Variants in TMPO observed in about 807,000 individuals in gnomAD.
TMPO encodes the protein LEM domain containing 4.
TMPO carries 22 observed loss-of-function variants against 45.4 expected under a neutral mutation model. The ratio of observed to expected loss-of-function variants is 0.48; its 90% CI spans 0.35 to 0.69. The LOEUF is 0.69. TMPO is among the 30% of genes least tolerant of loss of function. The pLI is 0.01. For missense variants in TMPO, 512 were observed against 548.8 expected, an observed-to-expected ratio of 0.93 and a Z score of 0.67; for synonymous variants, 241 against 204.1, an observed-to-expected ratio of 1.18 and a Z score of -1.54.
intron 1 of TMPO, among the ~76,000 whole-genome samples, chr12:98,518,445 C>G (rs949911635): frequency 1.3e-5 from 2 of 150,160 alleles, no homozygotes; most frequent in Non-Finnish European, 3.0e-5. Flanking sequence ...GGGCATGCAC[C>G]GCTACACCCG....
At chr12:98,540,104 TTCCC>T (rs1877823898) in intron 4 of TMPO, among the ~76,000 whole-genome samples, 1 of 152,234 alleles carries the variant, frequency 6.6e-6, no homozygotes, top group Non-Finnish European at 1.5e-5. Context: ...ACTTTTTCTC[TTCCC>T]TCCATTTATT....
chr12:98,521,048 G>A (rs1344074479), intron 1 of TMPO, among the ~76,000 whole-genome samples: 3 of 148,098 alleles, frequency 2.0e-5, no homozygotes, highest in Non-Finnish European at 4.5e-5. Flanking sequence ...ATTTGGCCAA[G>A]ATTAACTATT....
At chr12:98,526,520 TGTC>T (rs1876774035) in intron 1 of TMPO, among the ~76,000 whole-genome samples, 2 of 152,214 alleles carry the variant, frequency 1.3e-5, no homozygotes, top group African/African-American at 4.8e-5. Context: ...GTGTTTTTAT[TGTC>T]GTATTGTCTT....
In TMPO at chr12:98,533,652, C is replaced by G; in HGVS notation, c.565+1814C>G. On this transcript the variant is annotated intron_variant, in intron 3 of 8. Transcript: ENST00000556029. ...TGTCTTCTTTTGCCAAAACTGTTGT[C>G]TCTCATTCACTCACTACCTTAGGTC... 2 of 1,614,118 alleles carry G rather than the reference C, an allele frequency of 1.2e-6. No individual in the cohort carries two copies. The highest frequency in any genetic ancestry group is 1.3e-5 in the African/African-American group (1 of 75,038).
chr12:98,517,955 G>T (rs988583928), intron 1 of TMPO, among the ~76,000 whole-genome samples: 1 of 152,154 alleles, frequency 6.6e-6, no homozygotes, highest in Non-Finnish European at 1.5e-5. Context: ...CTGAGGTCAG[G>T]AGTTCTAGAC....
chr12:98,535,539 G>GTA, intron 3 of TMPO: 1 of 985,282 alleles, frequency 1.0e-6, no homozygotes, highest in Non-Finnish European at 1.2e-6. Context: ...AAATGTACAT[G>GTA]TATACATGTA....
At chr12:98,527,618 A>G (rs1434707917) in intron 1 of TMPO, 2 of 305,914 alleles carry the variant, frequency 6.5e-6, no homozygotes, top group Non-Finnish European at 6.0e-6. Flanking sequence ...TGCCATTACT[A>G]TCTCTTTTAG....
In TMPO at chr12:98,547,619, G is replaced by A. The variant is rs1592958671; in HGVS notation, c.1126G>A (p.Glu376Lys). The change falls in exon 9 of 9, where the codon GAA (glutamate) becomes AAA (lysine). Residue 376 changes from glutamate to lysine, a missense_variant. By Grantham distance (56) the Glu-to-Lys change is moderately conservative. Coordinates refer to ENST00000556029, the MANE Select transcript of TMPO (RefSeq NM_001032283.3). Reference protein sequence around the residue: ...PIKGAAGRPLELSDFRMEESF... With the variant: ...PIKGAAGRPLKLSDFRMEESF... ...CAAAGGGGCTGCAGGCCGGCCATTA[G>A]AACTCAGTGATTTCAGGATGGAGGA... 6.2e-7 allele frequency: 1 copy of A among 1,614,190 alleles called. No homozygotes were observed. The highest frequency in any genetic ancestry group is 1.1e-5 in the South Asian group (1 of 91,086).
chr12:98,516,682 G>A (rs1875858770), intron 1 of TMPO, among the ~76,000 whole-genome samples: 1 of 152,132 alleles, frequency 6.6e-6, no homozygotes, highest in Non-Finnish European at 1.5e-5. Context: ...TTTTTGAACC[G>A]TTTATGTTTT....
intron 3 of TMPO, among the ~76,000 whole-genome samples, chr12:98,537,031 C>T (rs11109521): frequency 6.6e-6 from 1 of 152,004 alleles, no homozygotes; most frequent in Non-Finnish European, 1.5e-5. Context: ...ACTTTCCCTT[C>T]TATGTTCCAA....
At chr12:98,527,402 A>T (rs1876855281) in intron 1 of TMPO, 1 of 151,920 alleles carries the variant, frequency 6.6e-6, no homozygotes, top group African/African-American at 2.4e-5. Flanking sequence ...GCGCACCTGT[A>T]GTCCCAGCTA....
chr12:98,539,714 TCCAC>T (rs1877800506), intron 4 of TMPO, among the ~76,000 whole-genome samples: 1 of 152,190 alleles, frequency 6.6e-6, no homozygotes, highest in Admixed American at 6.5e-5. Flanking sequence ...CCTCAGGTGA[TCCAC>T]CCGCCTTGGC....
At chr12:98,519,804 ATTTTAAG>A (rs1876190916) in intron 1 of TMPO, among the ~76,000 whole-genome samples, 1 of 152,124 alleles carries the variant, frequency 6.6e-6, no homozygotes, top group Non-Finnish European at 1.5e-5. Flanking sequence ...GGAAAAAATA[ATTTTAAG>A]TTTACAGGAA....
In TMPO at chr12:98,515,700, T is replaced by G; in HGVS notation, c.-168T>G. The G allele has an allele frequency of 2.8e-6, 4 of 1,433,854 alleles. No homozygotes were observed. The South Asian group carries it at 5.5e-5, about 20-fold the overall frequency. 88.8% of individuals were successfully genotyped at this position (1,433,854 alleles called of 1,614,324 possible). A position where few individuals can be genotyped will look rare whatever the true frequency, so the allele number is the denominator to read the frequency against. ...GGCTCTGGGGTCTTTTGTGTCCGGG[T>G]CTGGCTTGGCTTTGTGTCCGCGAGT... On this transcript the variant is annotated 5_prime_UTR_variant, in exon 1 of 9. Transcript: ENST00000556029.
At chr12:98,544,635 C>A (rs558131480) in intron 6 of TMPO, 98 bp downstream of exon 6, 16 of 907,750 alleles carry the variant, frequency 1.8e-5, no homozygotes, top group Middle Eastern at 3.3e-4. Context: ...CTCAAATTTA[C>A]ATGTTTTTTT....
intron 1 of TMPO, among the ~76,000 whole-genome samples, chr12:98,527,335 CA>C (rs374742173): frequency 8.3e-4 from 78 of 93,562 alleles, no homozygotes; most frequent in East Asian, 5.6e-3. Context: ...CCCATCTCTA[CA>C]AAAAAAAAAA....
At chr12:98,534,678 A>G in intron 3 of TMPO, 1 of 1,121,952 alleles carries the variant, frequency 8.9e-7, no homozygotes. Flanking sequence ...TTTACTGTTC[A>G]ATAGAATAAT....
rs1878416572 is a variant in TMPO at position 98,549,527 on chromosome 12, A to G, written c.*1669A>G. The G allele has an allele frequency of 6.8e-6, 1 of 147,750 alleles. No homozygotes were observed. The highest frequency in any genetic ancestry group is 1.5e-5 in the Non-Finnish European group (1 of 66,628). 9.2% of individuals were successfully genotyped at this position (147,750 alleles called of 1,614,324 possible). A position where few individuals can be genotyped will look rare whatever the true frequency, so the allele number is the denominator to read the frequency against. ...TGGATGATTTTTTTTTTTAAGCTGA[A>G]ACTTACCTCATGAATAACTTGATTA... is the stretch of plus-strand genomic sequence containing the variant. On this transcript the variant is annotated 3_prime_UTR_variant, in exon 9 of 9. Coordinates refer to ENST00000556029, the MANE Select transcript of TMPO (RefSeq NM_001032283.3).
At chr12:98,533,010 A>G (rs1877304333) in intron 3 of TMPO, 1 of 1,613,850 alleles carries the variant, frequency 6.2e-7, no homozygotes, top group Non-Finnish European at 8.5e-7. Flanking sequence ...AGGGAGACCT[A>G]CCTAGGGAGC....
Sources: gnomAD v4.1 joint callset for allele counts (sites outside exome capture counted in the v4.1 genomes callset) on GRCh38, gnomAD v4.1.1 for gene constraint, MANE v1.5 for transcripts, NCBI Gene and HGNC (gene_info 2026-07-23, HGNC 2026-07-21) for gene names.